TTYH3: variants seen among roughly 807,000 people sequenced by gnomAD.
The protein encoded by TTYH3 is tweety family member 3.
A neutral mutation model predicts 68.2 loss-of-function variants in TTYH3; 23 were observed. That is an observed-to-expected ratio of 0.34 (90% CI 0.24 to 0.48). The LOEUF is 0.48. TTYH3 is among the 20% of genes least tolerant of loss of function. TTYH3 has a pLI of 0.99. For synonymous variants in TTYH3, 360 were observed against 332.8 expected, an observed-to-expected ratio of 1.08 and a Z score of -0.89; for missense variants, 768 against 727.7, an observed-to-expected ratio of 1.06 and a Z score of -0.64.
rs892002729 is a variant in TTYH3 at position 2,664,281 on chromosome 7, G to A, written c.*2542G>A. 1 of 152,640 alleles carries A rather than the reference G, an allele frequency of 6.6e-6. No individual in the cohort carries two copies. The highest frequency in any genetic ancestry group is 6.5e-5 in the Admixed American group (1 of 15,270). 9.5% of individuals were successfully genotyped at this position (152,640 alleles called of 1,614,324 possible). On this transcript the variant is annotated 3_prime_UTR_variant, in exon 14 of 14. Coordinates refer to ENST00000258796, the MANE Select transcript of TTYH3 (RefSeq NM_025250.3). Reference sequence around the variant, plus strand: ...CCACCCATCTCACTATGCAATTCGAGTTCCAAGCAACATTTGCTCCTGCCC... The same window carrying A: ...CCACCCATCTCACTATGCAATTCGAATTCCAAGCAACATTTGCTCCTGCCC...
intron 1 of TTYH3, among the ~76,000 whole-genome samples, chr7:2,639,657 G>A (rs1207592478): frequency 1.3e-5 from 2 of 152,224 alleles, no homozygotes; most frequent in African/African-American, 4.8e-5. Flanking sequence ...CCCCATCCAG[G>A]AAGCCGGGGG....
At chr7:2,632,479 G>C (rs948727207) in intron 1 of TTYH3, among the ~76,000 whole-genome samples, 1 of 151,908 alleles carries the variant, frequency 6.6e-6, no homozygotes, top group Non-Finnish European at 1.5e-5. Flanking sequence ...TTCTTCCAGG[G>C]TCATGGCCTC....
chr7:2,654,390 G>GTC (rs1264143719), intron 9 of TTYH3, among the ~76,000 whole-genome samples: 2 of 151,858 alleles, frequency 1.3e-5, no homozygotes, highest in Non-Finnish European at 2.9e-5. Context: ...GCAAGACCCT[G>GTC]TCTCTCTCTC....
chr7:2,646,751 C>T, intron 1 of TTYH3, 102 bp from the exon 2 acceptor site: 1 of 1,282,624 alleles, frequency 7.8e-7, no homozygotes, highest in South Asian at 1.4e-5. Flanking sequence ...GGGCTGGGGG[C>T]AGGATTAAAT....
At position 2,662,924 on chromosome 7, in the gene TTYH3, C is replaced by T. The variant is rs1362230807; in HGVS notation, c.*1185C>T. On this transcript the variant is annotated 3_prime_UTR_variant, in exon 14 of 14. Transcript: ENST00000258796. ...AAGGGCCTGGACACCCCTCCCCAGG[C>T]AGGTGCTGCCCCAGGAGGACTGTCC... 1 of 152,320 alleles carries T rather than the reference C, an allele frequency of 6.6e-6. No individual in the cohort carries two copies. The allele number at this position is 152,320 out of a possible 1,614,324, so 9.4% of individuals were successfully genotyped here. A position where few individuals can be genotyped will look rare whatever the true frequency, so the allele number is the denominator to read the frequency against.
chr7:2,651,984 G>A (rs573041021), intron 7 of TTYH3, among the ~76,000 whole-genome samples: 3 of 152,224 alleles, frequency 2.0e-5, no homozygotes, highest in Admixed American at 6.5e-5. Flanking sequence ...ACGTGCACAC[G>A]AAACGTGCAC....
In TTYH3 at chr7:2,647,220, C is replaced by A; in HGVS notation, c.372C>A (p.His124Gln). ...GIHRATYSLR[H>Q]ANRTVAGVQD... ...ATAGGGCCACCTACTCGCTCCGCCA[C>A]GCCAACCGCACGGTGGCCGGGGTCC... The change falls in exon 3 of 14, where the codon CAC becomes CAA. Residue 124 changes from histidine to glutamine, a missense_variant. Physicochemically the swap from His to Gln is conservative, Grantham distance 24. Transcript: ENST00000258796. 1 of 1,601,344 alleles carries A rather than the reference C, an allele frequency of 6.2e-7. No individual in the cohort carries two copies. The highest frequency in any genetic ancestry group is 8.5e-7 in the Non-Finnish European group (1 of 1,176,368).
chr7:2,639,853 C>T (rs893386500), intron 1 of TTYH3, among the ~76,000 whole-genome samples: 1 of 152,188 alleles, frequency 6.6e-6, no homozygotes, highest in East Asian at 1.9e-4. Flanking sequence ...CTGGAACCCA[C>T]CTTCTGCCCA....
In TTYH3 at chr7:2,647,253, C is replaced by T. The variant is rs1426054220; in HGVS notation, c.405C>T (p.Arg135=). ...ANRTVAGVQD[R]VWDTAVGLNH... ...GCACGGTGGCCGGGGTCCAGGACCG[C>T]GTGAGTGGCCGCGGAGTTGGGGCCA... Residue 135 remains arginine, a splice_region_variant and synonymous_variant, in exon 3 of 14, where the codon CGC becomes CGT. Transcript: ENST00000258796. 8 of 1,579,420 alleles carry T rather than the reference C, an allele frequency of 5.1e-6. No individual in the cohort carries two copies. The highest frequency in any genetic ancestry group is 2.3e-5 in the South Asian group (2 of 87,088).
chr7:2,646,975 C>T lies in TTYH3; in HGVS notation c.246C>T (p.Asp82=), dbSNP rs756228709. The T allele has an allele frequency of 6.3e-7, 1 of 1,595,294 alleles. No homozygotes were observed. Among genetic ancestry groups the T allele is most frequent in the Non-Finnish European group, 8.5e-7 (1 of 1,175,360 alleles). ...RRKSEEHLDA[D]CCCTAWCVII... ...AGAGCGAGGAGCACCTGGACGCCGACTGCTGCTGCACGGCCTGGTGTGTCA... is the reference window on the plus strand; with the variant it reads ...AGAGCGAGGAGCACCTGGACGCCGATTGCTGCTGCACGGCCTGGTGTGTCA... The change falls in exon 2 of 14, where the codon GAC becomes GAT. Residue 82 remains aspartate (D), a synonymous_variant. Coordinates refer to ENST00000258796, the MANE Select transcript of TTYH3 (RefSeq NM_025250.3).
At chr7:2,640,863 C>T (rs1446903580) in intron 1 of TTYH3, among the ~76,000 whole-genome samples, 2 of 152,228 alleles carry the variant, frequency 1.3e-5, no homozygotes, top group African/African-American at 4.8e-5. Context: ...TGGGGCCACC[C>T]ACCTGTGCAG....
At chr7:2,641,306 T>C (rs1247433314) in intron 1 of TTYH3, among the ~76,000 whole-genome samples, 3 of 147,554 alleles carry the variant, frequency 2.0e-5, no homozygotes, top group African/African-American at 5.0e-5. Context: ...TTTTGGGGGC[T>C]GCGGGGCAGT....
At chr7:2,652,152 G>T (rs1210937690) in intron 7 of TTYH3, 35 bp from the exon 8 acceptor site, 1 of 1,605,558 alleles carries the variant, frequency 6.2e-7, no homozygotes, top group African/African-American at 1.3e-5. Flanking sequence ...AGGGACAGCT[G>T]TTGCAGCTCA....
At chr7:2,633,252 G>A (rs1241517959) in intron 1 of TTYH3, among the ~76,000 whole-genome samples, 2 of 152,188 alleles carry the variant, frequency 1.3e-5, no homozygotes, top group Non-Finnish European at 2.9e-5. Context: ...GAGCCCCATG[G>A]TGGGGTGGGG....
chr7:2,640,852 T>A (rs536631845), intron 1 of TTYH3, among the ~76,000 whole-genome samples: 1 of 152,248 alleles, frequency 6.6e-6, no homozygotes, highest in South Asian at 2.1e-4. Context: ...CAGGGCTGGG[T>A]TGGGGCCACC....
intron 9 of TTYH3, among the ~76,000 whole-genome samples, chr7:2,655,550 G>T (rs1164699191): frequency 6.6e-6 from 1 of 152,248 alleles, no homozygotes; most frequent in African/African-American, 2.4e-5. Context: ...GCCTGGCAGT[G>T]TTTCTGTGCA....
In TTYH3 at chr7:2,646,986, C is replaced by G. The variant is rs1434453503; in HGVS notation, c.257C>G (p.Thr86Arg). ...CACCTGGACGCCGACTGCTGCTGCA[C>G]GGCCTGGTGTGTCATCATCGCCACG... is the stretch of plus-strand genomic sequence containing the variant. ...EEHLDADCCCTAWCVIIATLV... is the reference protein window; with the variant it reads ...EEHLDADCCCRAWCVIIATLV... The change falls in exon 2 of 14, where the codon ACG (threonine) becomes AGG (arginine). Residue 86 changes from threonine to arginine, a missense_variant. Physicochemically the swap from Thr to Arg is moderately conservative, Grantham distance 71. Coordinates refer to ENST00000258796, the MANE Select transcript of TTYH3 (RefSeq NM_025250.3). 1.9e-6 allele frequency: 3 copies of G among 1,568,646 alleles called. No homozygotes were observed. The highest frequency in any genetic ancestry group is 1.8e-5 in the Admixed American group (1 of 56,816).
chr7:2,651,736 T>C (rs1262637727), intron 7 of TTYH3, among the ~76,000 whole-genome samples: 1 of 152,050 alleles, frequency 6.6e-6, no homozygotes, highest in Admixed American at 6.5e-5. Context: ...TTTTGAACTT[T>C]TAAAATGTTT....
intron 1 of TTYH3, among the ~76,000 whole-genome samples, chr7:2,634,919 C>T (rs930400339): frequency 6.6e-6 from 1 of 152,100 alleles, no homozygotes; most frequent in Non-Finnish European, 1.5e-5. Flanking sequence ...CGGATTCCCC[C>T]ACGGCTGCCT....
Sources: allele counts gnomAD v4.1 joint callset (sites outside exome capture counted in the v4.1 genomes callset), GRCh38; gene constraint gnomAD v4.1.1; transcripts MANE v1.5; gene names NCBI Gene and HGNC (gene_info 2026-07-23, HGNC 2026-07-21).